The following DRC4 variants were observed in gnomAD, a reference collection of about 807,000 sequenced individuals.
The protein encoded by DRC4 is dynein regulatory complex subunit 4.
the DRC4 span, chr16:90,043,286 G>C: frequency 5.5e-5 from 89 of 1,613,480 alleles, no homozygotes; most frequent in African/African-American, 1.0e-3. Context: ...CTTGGAAACA[G>C]CTGTGATCGG....
At chr16:90,019,685 C>T in the DRC4 span, 1 of 553,404 alleles carries the variant, frequency 1.8e-6, no homozygotes, top group Non-Finnish European at 3.1e-6. This position sits in a 1 kb window ranked among gnomAD's most constrained non-coding sequence, Gnocchi z 6.1. Flanking sequence ...CTGGCTGCGC[C>T]CTCCCGACCC....
At chr16:90,037,262 G>A in the DRC4 span, 1 of 1,613,068 alleles carries the variant, frequency 6.2e-7, no homozygotes, top group East Asian at 2.2e-5. Flanking sequence ...GAAGAAGGAG[G>A]ACCACCTGGA....
At chr16:90,022,438 T>TC in the DRC4 span, among the ~76,000 whole-genome samples, 1 of 152,126 alleles carries the variant, frequency 6.6e-6, no homozygotes. Flanking sequence ...AGTGAAGGGT[T>TC]CCCCCCTCGT....
At chr16:90,036,624 C>G in the DRC4 span, 14 of 1,536,438 alleles carry the variant, frequency 9.1e-6, no homozygotes, top group Non-Finnish European at 1.1e-5. Flanking sequence ...GCACACTCTG[C>G]CTGTCCTAGA....
chr16:90,031,345 G>A, the DRC4 span: 36 of 1,613,568 alleles, frequency 2.2e-5, no homozygotes, highest in African/African-American at 9.3e-5. Flanking sequence ...GACCGCGAGC[G>A]GGAGGAACGA....
the DRC4 span, chr16:90,036,340 C>A: frequency 6.5e-7 from 1 of 1,537,954 alleles, no homozygotes; most frequent in Non-Finnish European, 8.9e-7. Context: ...AGGGGCACCA[C>A]GTCTTCCTCT....
the DRC4 span, chr16:90,027,786 T>C: frequency 6.8e-7 from 1 of 1,460,116 alleles, no homozygotes; most frequent in Non-Finnish European, 9.6e-7. Context: ...GCAGGGTGCC[T>C]ACGCCGAGTG....
the DRC4 span, chr16:90,040,542 G>A: frequency 1.3e-6 from 2 of 1,539,556 alleles, no homozygotes; most frequent in Admixed American, 2.0e-5. Context: ...ACCCCAGTGG[G>A]CGGCCTCATC....
chr16:90,037,947 T>G, the DRC4 span: 5 of 1,048,184 alleles, frequency 4.8e-6, no homozygotes, highest in Non-Finnish European at 7.4e-6. Flanking sequence ...GGCCCTGCAG[T>G]GGGGATGGCA....
chr16:90,036,328 G>C, the DRC4 span: 1 of 1,491,492 alleles, frequency 6.7e-7, no homozygotes, highest in Non-Finnish European at 9.2e-7. Context: ...TTCTGTAGCC[G>C]TAGGGGCACC....
chr16:90,029,819 C>T, the DRC4 span: 4 of 171,206 alleles, frequency 2.3e-5, no homozygotes, highest in East Asian at 1.9e-4. Flanking sequence ...TGCGGTGGCG[C>T]GACCTCGGCT....
the DRC4 span, among the ~76,000 whole-genome samples, chr16:90,027,037 C>G: frequency 3.9e-4 from 59 of 151,788 alleles, no homozygotes; most frequent in African/African-American, 1.3e-3. Context: ...CTCAGCCTCC[C>G]GAGTAACTGG....
chr16:90,032,819 G>A, the DRC4 span: 4 of 1,613,870 alleles, frequency 2.5e-6, no homozygotes, highest in African/African-American at 1.3e-5. Flanking sequence ...CACAGAAAGA[G>A]CACCGCATAC....
At chr16:90,025,133 C>A in the DRC4 span, among the ~76,000 whole-genome samples, 1 of 150,744 alleles carries the variant, frequency 6.6e-6, no homozygotes, top group Admixed American at 6.6e-5. Context: ...TCTCCTGCCT[C>A]GGCCTCCCGA....
the DRC4 span, chr16:90,027,897 T>C: frequency 3.3e-6 from 2 of 610,696 alleles, no homozygotes; most frequent in East Asian, 5.6e-5. Flanking sequence ...CTGCACCATG[T>C]CTTTTCAGAA....
At chr16:90,022,662 T>A in the DRC4 span, 1 of 1,416,132 alleles carries the variant, frequency 7.1e-7, no homozygotes, top group Non-Finnish European at 9.3e-7. Flanking sequence ...GGAAACGGCG[T>A]GGCTTCCGGG....
chr16:90,028,685 C>T, the DRC4 span, among the ~76,000 whole-genome samples: 313 of 152,310 alleles, frequency 2.1e-3, 1 homozygote, highest in Admixed American at 0.016. Context: ...CTAAAAGGCT[C>T]CTGGAGACGG....
chr16:90,036,023 A>G, the DRC4 span: 1 of 927,124 alleles, frequency 1.1e-6, no homozygotes, highest in South Asian at 2.0e-5. Context: ...GAAGGCTCCA[A>G]TTTCAGAAGT....
At chr16:90,029,542 G>A in the DRC4 span, 2 of 327,110 alleles carry the variant, frequency 6.1e-6, no homozygotes, top group South Asian at 2.6e-5. Context: ...GGTCTGTGAC[G>A]TGAAGACATT....
Sources: gnomAD v4.1 joint callset for allele counts (sites outside exome capture counted in the v4.1 genomes callset) on GRCh38, gnomAD v4.1.1 for gene constraint, Gnocchi (gnomAD v3.1) non-coding constraint, MANE v1.5 for transcripts, NCBI Gene and HGNC (gene_info 2026-07-23, HGNC 2026-07-21) for gene names.